Variants in RSU1 observed in about 807,000 individuals in gnomAD.
The protein encoded by RSU1 is Ras suppressor protein 1, also known as rsu-1.
RSU1 carries 26 observed loss-of-function variants against 31.1 expected under a neutral mutation model. That is an observed-to-expected ratio of 0.84 (90% confidence interval 0.61 to 1.16). RSU1 has a LOEUF of 1.16. RSU1 is among the 50% of genes most tolerant of loss of function. The probability of loss-of-function intolerance (pLI) is 0.00; values close to 1 mark genes in which losing one functional copy is unlikely to be tolerated. For missense variants in RSU1, 320 were observed against 339.1 expected, an observed-to-expected ratio of 0.94 and a Z score of 0.44; for synonymous variants, 164 against 136.3, an observed-to-expected ratio of 1.20 and a Z score of -1.41.
At chr10:16,678,161 C>T (rs1835266969) in intron 8 of RSU1, among the ~76,000 whole-genome samples, 1 of 152,162 alleles carries the variant, frequency 6.6e-6, no homozygotes, top group African/African-American at 2.4e-5. Context: ...GAAAATACCC[C>T]TAACAAAACA....
At chr10:16,712,173 G>T (rs561835235) in intron 7 of RSU1, among the ~76,000 whole-genome samples, 195 of 152,000 alleles carry the variant, frequency 1.3e-3, no homozygotes, top group Non-Finnish European at 2.4e-3. Context: ...GTTTCTGTTT[G>T]TATGGAATAT....
At chr10:16,786,908 G>A (rs541407573) in intron 2 of RSU1, among the ~76,000 whole-genome samples, 1 of 152,300 alleles carries the variant, frequency 6.6e-6, no homozygotes, top group East Asian at 1.9e-4. Flanking sequence ...ATCAAGATAA[G>A]GAGGAGTGGG....
chr10:16,689,595 C>T (rs543899966), intron 8 of RSU1, among the ~76,000 whole-genome samples: 22 of 152,290 alleles, frequency 1.4e-4, no homozygotes, highest in African/African-American at 5.1e-4. Flanking sequence ...AGAATGTTTC[C>T]TTATAAATCA....
chr10:16,786,391 C>T (rs1837792496), intron 2 of RSU1, among the ~76,000 whole-genome samples: 1 of 152,184 alleles, frequency 6.6e-6, no homozygotes, highest in South Asian at 2.1e-4. Context: ...TCTTGCAGCA[C>T]TTTCTTGCCT....
At chr10:16,726,832 C>G (rs1287329478) in intron 7 of RSU1, among the ~76,000 whole-genome samples, 1 of 152,022 alleles carries the variant, frequency 6.6e-6, no homozygotes, top group Admixed American at 6.6e-5. Flanking sequence ...AAAAATGGAC[C>G]TCTTTATTTA....
chr10:16,613,300 C>A (rs1163889549), intron 8 of RSU1, among the ~76,000 whole-genome samples: 1 of 152,198 alleles, frequency 6.6e-6, no homozygotes, highest in African/African-American at 2.4e-5. Context: ...GTGCTTCCTG[C>A]TCCTGGAATT....
intron 4 of RSU1, among the ~76,000 whole-genome samples, chr10:16,755,513 T>G (rs1349682918): frequency 6.6e-6 from 1 of 152,168 alleles, no homozygotes; most frequent in Non-Finnish European, 1.5e-5. Context: ...ATACTTCTGA[T>G]GTATGTATAC....
chr10:16,808,796 G>T (rs1797089), intron 2 of RSU1, among the ~76,000 whole-genome samples: 1 of 152,098 alleles, frequency 6.6e-6, no homozygotes, highest in East Asian at 1.9e-4. Flanking sequence ...CCTTTAAAGA[G>T]GCGATCAGGT....
chr10:16,677,514 T>C (rs1835255780), intron 8 of RSU1, among the ~76,000 whole-genome samples: 1 of 152,222 alleles, frequency 6.6e-6, no homozygotes, highest in African/African-American at 2.4e-5. Context: ...AGCCACTCAA[T>C]ACTCTTAGTA....
At chr10:16,664,821 A>T (rs1834958308) in intron 8 of RSU1, among the ~76,000 whole-genome samples, 1 of 152,224 alleles carries the variant, frequency 6.6e-6, no homozygotes, top group South Asian at 2.1e-4. Flanking sequence ...TCTTTACCAT[A>T]TATTCTTGAT....
At chr10:16,729,027 T>G (rs987981393) in intron 7 of RSU1, among the ~76,000 whole-genome samples, 1 of 152,232 alleles carries the variant, frequency 6.6e-6, no homozygotes, top group East Asian at 1.9e-4. Context: ...TCATTGTTTA[T>G]AGCAGCAATA....
At chr10:16,686,492 G>T (rs992966077) in intron 8 of RSU1, among the ~76,000 whole-genome samples, 77 of 152,204 alleles carry the variant, frequency 5.1e-4, no homozygotes, top group African/African-American at 1.8e-3. Flanking sequence ...AGCTCCTCTT[G>T]AAGAGAATGT....
At chr10:16,775,854 A>G (rs1220353766) in intron 3 of RSU1, among the ~76,000 whole-genome samples, 2 of 152,232 alleles carry the variant, frequency 1.3e-5, no homozygotes, top group Non-Finnish European at 2.9e-5. Flanking sequence ...ATGTGCAGTA[A>G]TTTAAAAAAA....
chr10:16,688,809 T>A (rs1312188088), intron 8 of RSU1, among the ~76,000 whole-genome samples: 2 of 149,574 alleles, frequency 1.3e-5, no homozygotes, highest in Non-Finnish European at 2.9e-5. Context: ...GAGAGTAGCT[T>A]GGGCAACATA....
At chr10:16,805,632 C>G (rs1356712336) in intron 2 of RSU1, among the ~76,000 whole-genome samples, 2 of 144,440 alleles carry the variant, frequency 1.4e-5, no homozygotes, top group African/African-American at 5.2e-5. Context: ...GCGGAGATCA[C>G]GCCACTGCAC....
chr10:16,720,216 G>A (rs2356378), intron 7 of RSU1, among the ~76,000 whole-genome samples: 66,572 of 152,022 alleles, frequency 0.44, 15,078 homozygotes, highest in East Asian at 0.68. Context: ...TGTTCTTTGG[G>A]GTCAAGGCAA....
intron 8 of RSU1, among the ~76,000 whole-genome samples, chr10:16,615,220 C>CTTTT (rs1833955591): frequency 6.6e-6 from 1 of 151,546 alleles, no homozygotes; most frequent in African/African-American, 2.4e-5. Context: ...AAAAAAAAAG[C>CTTTT]AGGGGTTGCA....
At chr10:16,809,962 T>A (rs1421029552) in intron 2 of RSU1, among the ~76,000 whole-genome samples, 1 of 145,000 alleles carries the variant, frequency 6.9e-6, no homozygotes, top group Admixed American at 7.4e-5. Flanking sequence ...GGCTCACACC[T>A]GTAATCCCAG....
intron 8 of RSU1, among the ~76,000 whole-genome samples, chr10:16,619,549 A>C (rs567418972): frequency 4.4e-4 from 67 of 152,328 alleles, no homozygotes; most frequent in African/African-American, 1.5e-3. Flanking sequence ...ATCAGTAGGT[A>C]TCTTCACTGG....
Sources: allele counts gnomAD v4.1 joint callset (sites outside exome capture counted in the v4.1 genomes callset), GRCh38; gene constraint gnomAD v4.1.1; transcripts MANE v1.5; gene names NCBI Gene and HGNC (gene_info 2026-07-23, HGNC 2026-07-21).